PDE1A: variants seen among roughly 807,000 people sequenced by gnomAD.
PDE1A encodes phosphodiesterase 1A.
PDE1A carries 35 observed loss-of-function variants against 61.7 expected under a neutral mutation model. The ratio of observed to expected loss-of-function variants is 0.57; its 90% confidence interval spans 0.43 to 0.75. The LOEUF is 0.75. PDE1A is among the 30% of genes least tolerant of loss of function. The pLI, the probability that PDE1A is intolerant of heterozygous loss-of-function variation, is 0.00. For missense variants in PDE1A, 597 were observed against 630.6 expected, an observed-to-expected ratio of 0.95 and a Z score of 0.57; for synonymous variants, 232 against 213.2, an observed-to-expected ratio of 1.09 and a Z score of -0.77.
At chr2:182,494,392 C>G (rs1229521048) in intron 2 of PDE1A, among the ~76,000 whole-genome samples, 2 of 151,956 alleles carry the variant, frequency 1.3e-5, no homozygotes, top group Non-Finnish European at 2.9e-5. Flanking sequence ...ATCATACTCT[C>G]CACACCCAAT....
chr2:182,593,349 A>T, the PDE1A span, among the ~76,000 whole-genome samples: 1 of 152,248 alleles, frequency 6.6e-6, no homozygotes, highest in African/African-American at 2.4e-5. Flanking sequence ...TCATTACTAA[A>T]GAATCAGAGA....
At chr2:182,412,044 T>C (rs1377747303) in intron 1 of PDE1A, among the ~76,000 whole-genome samples, 1 of 137,164 alleles carries the variant, frequency 7.3e-6, no homozygotes, top group African/African-American at 2.8e-5. Context: ...GGCAATGGAG[T>C]GAGACTCCAT....
intron 2 of PDE1A, among the ~76,000 whole-genome samples, chr2:182,261,914 AG>A (rs1433705677): frequency 6.6e-6 from 1 of 152,206 alleles, no homozygotes; most frequent in Admixed American, 6.5e-5. Flanking sequence ...TAAATAGAAA[AG>A]AAAATATCTG....
chr2:182,527,317 A>T (rs1690787385), upstream of PDE1A, among the ~76,000 whole-genome samples: 1 of 52,366 alleles, frequency 1.9e-5, no homozygotes, highest in Non-Finnish European at 3.4e-5. Context: ...AAAAAAAAAA[A>T]AAAAAAAAAA....
intron 1 of PDE1A, among the ~76,000 whole-genome samples, chr2:182,300,638 TAAC>T (rs976842455): frequency 2.0e-4 from 30 of 152,304 alleles, no homozygotes; most frequent in African/African-American, 6.5e-4. Flanking sequence ...AGACTAAAGA[TAAC>T]AATGTCTAGA....
chr2:182,681,836 T>C, the PDE1A span, among the ~76,000 whole-genome samples: 8 of 151,892 alleles, frequency 5.3e-5, no homozygotes, highest in African/African-American at 1.9e-4. Flanking sequence ...TTAGTAGAGA[T>C]GGGGTTTCAC....
At chr2:182,455,964 G>A (rs1685891156) in intron 2 of PDE1A, among the ~76,000 whole-genome samples, 1 of 151,542 alleles carries the variant, frequency 6.6e-6, no homozygotes, top group African/African-American at 2.4e-5. Context: ...AAATATGTGT[G>A]TGCTGACTGT....
intron 2 of PDE1A, among the ~76,000 whole-genome samples, chr2:182,254,427 T>C (rs1332013951): frequency 6.6e-6 from 1 of 152,204 alleles, no homozygotes; most frequent in Admixed American, 6.5e-5. Context: ...CACATTTTCC[T>C]CAAACTGATT....
intron 1 of PDE1A, among the ~76,000 whole-genome samples, chr2:182,291,155 C>T (rs1220029737): frequency 1.3e-5 from 2 of 152,202 alleles, no homozygotes; most frequent in African/African-American, 4.8e-5. Flanking sequence ...CTGGTCCATC[C>T]TCCTTCTAGA....
intron 13 of PDE1A, among the ~76,000 whole-genome samples, chr2:182,147,489 T>C (rs537174365): frequency 2.1e-4 from 32 of 152,336 alleles, no homozygotes; most frequent in African/African-American, 7.2e-4. Flanking sequence ...ACAAATTCCT[T>C]TAACTAAACC....
At chr2:182,657,668 C>T in the PDE1A span, among the ~76,000 whole-genome samples, 1 of 152,022 alleles carries the variant, frequency 6.6e-6, no homozygotes, top group African/African-American at 2.4e-5. Context: ...GCTATTTCTT[C>T]TAGGAATATT....
At chr2:182,627,919 G>A in the PDE1A span, among the ~76,000 whole-genome samples, 1 of 150,300 alleles carries the variant, frequency 6.7e-6, no homozygotes, top group Admixed American at 6.7e-5. Flanking sequence ...ACTCCAGCCT[G>A]GGCAACAGAG....
At chr2:182,317,435 A>G (rs1696409422) in intron 1 of PDE1A, among the ~76,000 whole-genome samples, 2 of 152,142 alleles carry the variant, frequency 1.3e-5, no homozygotes, top group South Asian at 2.1e-4. Flanking sequence ...TATGCATGCC[A>G]TGGCAAATTC....
the PDE1A span, among the ~76,000 whole-genome samples, chr2:182,619,156 A>T: frequency 3.3e-5 from 5 of 152,256 alleles, no homozygotes; most frequent in East Asian, 3.9e-4. Flanking sequence ...CTCTATTTAC[A>T]TCTTATTAAA....
chr2:182,472,029 G>A (rs1396720942), intron 2 of PDE1A, among the ~76,000 whole-genome samples: 1 of 151,776 alleles, frequency 6.6e-6, no homozygotes, highest in East Asian at 1.9e-4. Flanking sequence ...ACACTAACGA[G>A]AATGACTAAT....
intron 2 of PDE1A, among the ~76,000 whole-genome samples, chr2:182,488,677 T>C (rs1258661040): frequency 6.6e-6 from 1 of 152,206 alleles, no homozygotes. Context: ...AGGAAGAATA[T>C]ATAAGGAATC....
intron 13 of PDE1A, among the ~76,000 whole-genome samples, chr2:182,159,074 C>T (rs1691243240): frequency 2.0e-5 from 3 of 152,060 alleles, no homozygotes; most frequent in Admixed American, 2.0e-4. Context: ...CAGTCTAAAT[C>T]TAGGCATATT....
At chr2:182,288,184 A>G (rs556689026) in intron 1 of PDE1A, among the ~76,000 whole-genome samples, 1 of 152,176 alleles carries the variant, frequency 6.6e-6, no homozygotes, top group Non-Finnish European at 1.5e-5. Flanking sequence ...TAATAAAATC[A>G]TAGCAGTTAA....
intron 2 of PDE1A, among the ~76,000 whole-genome samples, chr2:182,497,023 TCTTA>T (rs1688756602): frequency 6.6e-6 from 1 of 152,334 alleles, no homozygotes; most frequent in Non-Finnish European, 1.5e-5. Flanking sequence ...TGGTATATGG[TCTTA>T]CTTCACAGAG....
Sources: allele counts gnomAD v4.1 joint callset (sites outside exome capture counted in the v4.1 genomes callset), GRCh38; gene constraint gnomAD v4.1.1; transcripts MANE v1.5; gene names NCBI Gene and HGNC (gene_info 2026-07-23, HGNC 2026-07-21).